Variants in DCC observed in about 807,000 individuals in gnomAD.
DCC encodes the protein netrin receptor DCC.
DCC carries 58 observed loss-of-function variants against 172.5 expected under a neutral mutation model. The observed-to-expected ratio is 0.34, with a 90% CI of 0.27 to 0.42. The LOEUF (loss-of-function observed/expected upper bound fraction) is 0.42. Among genes scored for constraint, DCC ranks in the 10% least tolerant of loss-of-function variants. The probability of loss-of-function intolerance (pLI) is 1.00; values close to 1 mark genes in which losing one functional copy is unlikely to be tolerated. For synonymous variants in DCC, 709 were observed against 644.5 expected (o/e 1.10, Z -1.52); for missense variants, 1,740 against 1,791.0 (o/e 0.97, Z 0.51).
intron 27 of DCC, among the ~76,000 whole-genome samples, chr18:53,517,199 C>T (rs1393003324): frequency 2.8e-5 from 4 of 142,056 alleles, no homozygotes; most frequent in Non-Finnish European, 6.1e-5. Flanking sequence ...ATCGCAAGAA[C>T]AAAAAACCAA....
chr18:52,669,051 G>A (rs772437323), intron 1 of DCC, among the ~76,000 whole-genome samples: 8 of 152,154 alleles, frequency 5.3e-5, no homozygotes, highest in African/African-American at 1.4e-4. Flanking sequence ...CGGAGAATTT[G>A]GAGGATCAGA....
intron 8 of DCC, among the ~76,000 whole-genome samples, chr18:53,159,831 G>C (rs552762412): frequency 6.6e-6 from 1 of 152,146 alleles, no homozygotes; most frequent in South Asian, 2.1e-4. Flanking sequence ...TACTTTTTTG[G>C]TAAAAGGAAT....
chr18:52,748,894 T>C (rs1377364923), intron 1 of DCC, among the ~76,000 whole-genome samples: 2 of 152,102 alleles, frequency 1.3e-5, no homozygotes, highest in African/African-American at 2.4e-5. Context: ...CAATATTTGA[T>C]TGGTTAAAAA....
At chr18:53,377,752 GAA>G (rs1379289050) in intron 15 of DCC, among the ~76,000 whole-genome samples, 1 of 152,142 alleles carries the variant, frequency 6.6e-6, no homozygotes, top group Non-Finnish European at 1.5e-5. Flanking sequence ...TTACTATTAG[GAA>G]AAAGAGAATG....
chr18:53,246,740 G>T (rs1283128459), intron 12 of DCC, among the ~76,000 whole-genome samples: 1 of 152,026 alleles, frequency 6.6e-6, no homozygotes, highest in Non-Finnish European at 1.5e-5. Context: ...ACTATAAGTT[G>T]CATGGGAATG....
At chr18:52,484,875 C>T (rs956786142) in intron 1 of DCC, among the ~76,000 whole-genome samples, 1 of 151,310 alleles carries the variant, frequency 6.6e-6, no homozygotes, top group African/African-American at 2.4e-5. Flanking sequence ...CACAGAAGGA[C>T]ACTTTTATCT....
chr18:53,085,630 C>A (rs2042867640), intron 7 of DCC, among the ~76,000 whole-genome samples: 1 of 151,970 alleles, frequency 6.6e-6, no homozygotes, highest in Non-Finnish European at 1.5e-5. Flanking sequence ...ATAGAACATG[C>A]TATGTTACAG....
chr18:52,455,038 A>G (rs347540), intron 1 of DCC, among the ~76,000 whole-genome samples: 4,706 of 152,240 alleles, frequency 0.031, 237 homozygotes, highest in African/African-American at 0.11. Flanking sequence ...GCATTAAACT[A>G]TATATTATGA....
chr18:52,428,927 C>T (rs892756696), intron 1 of DCC, among the ~76,000 whole-genome samples: 1 of 152,004 alleles, frequency 6.6e-6, no homozygotes, highest in Non-Finnish European at 1.5e-5. Context: ...CTTTAAAATA[C>T]CCAGCGGCTG....
At chr18:52,959,444 T>A (rs1459728498) in intron 5 of DCC, among the ~76,000 whole-genome samples, 1 of 152,096 alleles carries the variant, frequency 6.6e-6, no homozygotes. Context: ...TATACACTTC[T>A]GATTCAGGAG....
chr18:52,591,939 C>T (rs1229787487), intron 1 of DCC, among the ~76,000 whole-genome samples: 3 of 152,084 alleles, frequency 2.0e-5, no homozygotes, highest in Admixed American at 6.5e-5. Context: ...TGTAAGCTTC[C>T]GTGCCCAGCC....
intron 5 of DCC, among the ~76,000 whole-genome samples, chr18:53,015,412 C>T (rs7236357): frequency 0.18 from 27,823 of 151,952 alleles, 2,991 homozygotes; most frequent in African/African-American, 0.31. Flanking sequence ...TTTAGATTTC[C>T]TCTAGCTCAA....
chr18:53,287,453 A>G (rs1196147591), intron 12 of DCC, among the ~76,000 whole-genome samples: 2 of 152,222 alleles, frequency 1.3e-5, no homozygotes, highest in Non-Finnish European at 2.9e-5. Flanking sequence ...GAACATTTGT[A>G]AATAAGTTTA....
intron 5 of DCC, among the ~76,000 whole-genome samples, chr18:52,953,575 A>G (rs1369937479): frequency 1.3e-5 from 2 of 152,214 alleles, no homozygotes; most frequent in Admixed American, 6.5e-5. Context: ...CAGCTTATCT[A>G]TTTGTATCAG....
intron 1 of DCC, among the ~76,000 whole-genome samples, chr18:52,699,930 A>G (rs184955224): frequency 6.6e-6 from 1 of 152,108 alleles, no homozygotes; most frequent in Non-Finnish European, 1.5e-5. Flanking sequence ...AGTTGTGTTC[A>G]TTCTGACCAT....
Position 53,153,706 on chromosome 18 carries a change from G to A in DCC, c.1262-3650G>A, listed in dbSNP as rs117229725. On this transcript the variant is annotated intron_variant, in intron 7 of 28. Transcript: ENST00000442544. The stretch of plus-strand genomic sequence containing the variant: ...AAATACTTTCAGTCAGTCTTTCCAC[G>A]GGAAACAACACCTCAACTAAACCAA... Among the ~76,000 whole-genome samples the A allele has an allele frequency of 5.6e-3, 856 of 152,144 alleles. 6 individuals carry two copies. Among genetic ancestry groups the A allele is most frequent in the Admixed American group, 0.023 (351 of 15,272 alleles).
rs2046530052 is a variant in DCC, at chr18:53,532,036, G to GAGTT, written c.*1385_*1388dup. On this transcript the variant is annotated 3_prime_UTR_variant, in exon 29 of 29. Transcript: ENST00000442544. ...GTTTCTGAATTTTCAGCTGCATTTGGAGTTAATCCCTGTTTATGCAGCTGA... is the reference window on the plus strand; with the variant it reads ...GTTTCTGAATTTTCAGCTGCATTTGGAGTTAGTTAATCCCTGTTTATGCAGCTGA... 1 of 152,132 alleles carries GAGTT rather than the reference G, an allele frequency of 6.6e-6. No homozygotes were observed. The highest frequency in any genetic ancestry group is 1.5e-5 in the Non-Finnish European group (1 of 68,030). 9.4% of individuals were successfully genotyped at this position (152,132 alleles called of 1,614,324 possible).
intron 7 of DCC, among the ~76,000 whole-genome samples, chr18:53,071,838 A>G (rs546302571): frequency 4.6e-5 from 7 of 152,240 alleles, no homozygotes; most frequent in South Asian, 2.1e-4. Context: ...TTAAGAATCA[A>G]TGTGTTAGGA....
At chr18:52,711,446 G>C (rs1306247476) in intron 1 of DCC, among the ~76,000 whole-genome samples, 1 of 152,144 alleles carries the variant, frequency 6.6e-6, no homozygotes. Flanking sequence ...CACATGGCTT[G>C]ACACACAGAA....
Sources: allele counts gnomAD v4.1 joint callset (sites outside exome capture counted in the v4.1 genomes callset), GRCh38; gene constraint gnomAD v4.1.1; transcripts MANE v1.5; gene names NCBI Gene and HGNC (gene_info 2026-07-23, HGNC 2026-07-21).